TNFSF4: variants seen among roughly 807,000 people sequenced by gnomAD.
TNFSF4 encodes TNF superfamily member 4, also known as tumor necrosis factor ligand superfamily member 4.
TNFSF4 carries 4 observed loss-of-function variants against 7.3 expected under a neutral mutation model. That is an observed-to-expected ratio of 0.55 (90% CI 0.27 to 1.25). TNFSF4 has a LOEUF of 1.25. Ranked by LOEUF, TNFSF4 falls within the 50% of genes most tolerant of loss-of-function variation. The pLI is 0.12. For missense variants in TNFSF4, 181 were observed against 208.8 expected (o/e 0.87, Z 0.82); for synonymous variants, 76 against 83.7 (o/e 0.91, Z 0.50).
the TNFSF4 span, among the ~76,000 whole-genome samples, chr1:173,284,063 C>T: frequency 5.9e-5 from 9 of 152,082 alleles, no homozygotes; most frequent in African/African-American, 1.7e-4. Context: ...TCAAACCAGC[C>T]ACAACATTTC....
At chr1:173,219,667 G>GATAC in the TNFSF4 span, among the ~76,000 whole-genome samples, 7 of 133,092 alleles carry the variant, frequency 5.3e-5, no homozygotes, top group South Asian at 4.3e-4. Context: ...AAGAAATTGT[G>GATAC]ATACACACAC....
chr1:173,220,197 A>G, the TNFSF4 span, among the ~76,000 whole-genome samples: 2 of 152,294 alleles, frequency 1.3e-5, no homozygotes, highest in Non-Finnish European at 2.9e-5. Flanking sequence ...AAAAAAAAGC[A>G]AAATTTCTTC....
At chr1:173,341,852 C>A in the TNFSF4 span, among the ~76,000 whole-genome samples, 2 of 152,106 alleles carry the variant, frequency 1.3e-5, no homozygotes, top group African/African-American at 2.4e-5. Flanking sequence ...CCATTTCCTA[C>A]CCTAAAATTC....
chr1:173,419,369 G>C, the TNFSF4 span, among the ~76,000 whole-genome samples: 7 of 151,142 alleles, frequency 4.6e-5, no homozygotes, highest in Admixed American at 1.3e-4. Context: ...AGAAGAGTTA[G>C]AGTAACCCAA....
the TNFSF4 span, among the ~76,000 whole-genome samples, chr1:173,329,481 AG>A: frequency 6.6e-6 from 1 of 152,158 alleles, no homozygotes; most frequent in Admixed American, 6.5e-5. Context: ...ATGGTTAAGG[AG>A]GGCCAACTAC....
chr1:173,272,355 C>T, the TNFSF4 span, among the ~76,000 whole-genome samples: 1 of 151,776 alleles, frequency 6.6e-6, no homozygotes, highest in Non-Finnish European at 1.5e-5. Context: ...ATAAAAAAAA[C>T]AGATTCTGAG....
At chr1:173,437,956 C>T in the TNFSF4 span, among the ~76,000 whole-genome samples, 1 of 152,166 alleles carries the variant, frequency 6.6e-6, no homozygotes, top group African/African-American at 2.4e-5. Context: ...TCCCATCACA[C>T]CTGCCCCTCC....
the TNFSF4 span, among the ~76,000 whole-genome samples, chr1:173,412,364 T>C: frequency 5.9e-5 from 9 of 152,346 alleles, no homozygotes; most frequent in Non-Finnish European, 8.8e-5. Context: ...AAAAACATTT[T>C]ACTTCTTCGT....
At chr1:173,214,880 A>G in the TNFSF4 span, among the ~76,000 whole-genome samples, 1 of 152,206 alleles carries the variant, frequency 6.6e-6, no homozygotes, top group Non-Finnish European at 1.5e-5. Context: ...AGGGTAACCT[A>G]AGCACAACAG....
chr1:173,374,669 C>G, the TNFSF4 span, among the ~76,000 whole-genome samples: 1 of 152,196 alleles, frequency 6.6e-6, no homozygotes, highest in Non-Finnish European at 1.5e-5. Context: ...ATCTTTAACA[C>G]CTCTCTTTGC....
intron 1 of TNFSF4, among the ~76,000 whole-genome samples, chr1:173,194,571 G>A (rs1649614499): frequency 1.3e-5 from 2 of 152,074 alleles, no homozygotes; most frequent in African/African-American, 4.8e-5. Flanking sequence ...GTCTAGAAAT[G>A]AGGCCATCCT....
the TNFSF4 span, among the ~76,000 whole-genome samples, chr1:173,450,009 G>A: frequency 5.3e-5 from 8 of 152,016 alleles, no homozygotes; most frequent in Non-Finnish European, 1.0e-4. Flanking sequence ...TATTTTAAAA[G>A]TTCAGCACAA....
downstream of TNFSF4, among the ~76,000 whole-genome samples, chr1:173,178,755 G>A (rs945980786): frequency 2.0e-5 from 3 of 152,086 alleles, no homozygotes; most frequent in Non-Finnish European, 2.9e-5. Flanking sequence ...TCTAATGCCT[G>A]AAGCCTGTGA....
chr1:173,177,392 T>C, the TNFSF4 span, among the ~76,000 whole-genome samples: 1 of 151,524 alleles, frequency 6.6e-6, no homozygotes, highest in African/African-American at 2.4e-5. Context: ...ACCTAAACAT[T>C]GAGTACAAAT....
At chr1:173,230,589 T>C in the TNFSF4 span, among the ~76,000 whole-genome samples, 3 of 151,992 alleles carry the variant, frequency 2.0e-5, no homozygotes, top group African/African-American at 7.3e-5. Context: ...CAGAGCAGCA[T>C]TGAAGGAGAT....
At chr1:173,390,329 C>T in the TNFSF4 span, among the ~76,000 whole-genome samples, 1 of 152,206 alleles carries the variant, frequency 6.6e-6, no homozygotes, top group Non-Finnish European at 1.5e-5. Flanking sequence ...TTCATTTCCA[C>T]TGAACCTAAG....
At chr1:173,289,671 T>C in the TNFSF4 span, among the ~76,000 whole-genome samples, 1 of 151,802 alleles carries the variant, frequency 6.6e-6, no homozygotes, top group South Asian at 2.1e-4. Flanking sequence ...CACATGAACA[T>C]AATAAGAGTA....
the TNFSF4 span, among the ~76,000 whole-genome samples, chr1:173,252,752 T>A: frequency 6.6e-6 from 1 of 151,844 alleles, no homozygotes; most frequent in Non-Finnish European, 1.5e-5. Flanking sequence ...TGATCAGGAG[T>A]GAGAGCAAGA....
chr1:173,268,726 T>C, the TNFSF4 span, among the ~76,000 whole-genome samples: 1 of 152,052 alleles, frequency 6.6e-6, no homozygotes, highest in Non-Finnish European at 1.5e-5. Context: ...TCCAGCTATA[T>C]ACTGTCTACA....
Sources: gnomAD v4.1 joint callset for allele counts (sites outside exome capture counted in the v4.1 genomes callset) on GRCh38, gnomAD v4.1.1 for gene constraint, MANE v1.5 for transcripts, NCBI Gene and HGNC (gene_info 2026-07-23, HGNC 2026-07-21) for gene names.